Variants in CAMSAP1 observed in about 807,000 individuals in gnomAD.
CAMSAP1 encodes the protein calmodulin-regulated spectrin-associated protein 1.
In CAMSAP1, 58 loss-of-function variants were observed where a neutral mutation model predicts 143.5. The ratio of observed to expected loss-of-function variants is 0.40; its 90% CI spans 0.33 to 0.50. The LOEUF is 0.50. Ranked by LOEUF, CAMSAP1 falls within the 20% of genes least tolerant of loss-of-function variation. The pLI is 0.45. For synonymous variants in CAMSAP1, 945 were observed against 859.3 expected, an observed-to-expected ratio of 1.10 and a Z score of -1.74; for missense variants, 1,969 against 2,115.7, an observed-to-expected ratio of 0.93 and a Z score of 1.36.
At position 135,882,352 on chromosome 9, in the gene CAMSAP1, G is replaced by T. The variant is rs1004046583; in HGVS notation, c.423+464C>A. Among the ~76,000 whole-genome samples the T allele has an allele frequency of 6.6e-6, 1 of 152,138 alleles. No homozygotes were observed. Among genetic ancestry groups the T allele is most frequent in the East Asian group, 1.9e-4 (1 of 5,192 alleles). ...AAACAAAGGCAGTGCAGGAGGCACC[G>T]AGAATGGCCCTGACCCAGAACGCTC... On this transcript the variant is annotated intron_variant, in intron 2 of 16. Transcript: ENST00000389532. This position sits in a 1 kb window ranked among gnomAD's most constrained non-coding sequence, Gnocchi z 4.9.
chr9:135,887,898 G>A (rs984036005), intron 1 of CAMSAP1, among the ~76,000 whole-genome samples: 1 of 152,236 alleles, frequency 6.6e-6, no homozygotes, highest in African/African-American at 2.4e-5. Flanking sequence ...CATGAGCAAC[G>A]CATTCGCAGT....
At chr9:135,901,736 G>T (rs1238512308) in intron 1 of CAMSAP1, among the ~76,000 whole-genome samples, 1 of 152,004 alleles carries the variant, frequency 6.6e-6, no homozygotes, top group East Asian at 1.9e-4. Context: ...ATCTTCCCAG[G>T]CTCGCTCTCT....
At chr9:135,890,484 A>C (rs1838258033) in intron 1 of CAMSAP1, among the ~76,000 whole-genome samples, 1 of 152,122 alleles carries the variant, frequency 6.6e-6, no homozygotes, top group South Asian at 2.1e-4. Context: ...GGTGGTAAAG[A>C]CGGCAGGCTG....
Position 135,823,239 on chromosome 9 carries a change from A to C in CAMSAP1, c.1422T>G (p.Pro474=), listed in dbSNP as rs1015186677. ...AACTCGCAGCGTGATGTAGAGCAAA[A>C]GGTGTTGGCTGGGACGCAGGCCTGA... ...KKTRPASQPT[P]FALHHAASCE... The change falls in exon 11 of 17, where the codon CCT becomes CCG. Residue 474 remains proline (P), a synonymous_variant. Transcript: ENST00000389532. 5 of 1,557,576 alleles carry C rather than the reference A, an allele frequency of 3.2e-6. No homozygotes were observed. Among genetic ancestry groups the C allele is most frequent in the African/African-American group, 1.4e-5 (1 of 73,686 alleles).
chr9:135,817,769 G>A, intron 14 of CAMSAP1: 2 of 555,158 alleles, frequency 3.6e-6, no homozygotes, highest in Admixed American at 3.1e-5. Context: ...GGGTGATAAG[G>A]TGAAGGCTGC....
intron 1 of CAMSAP1, among the ~76,000 whole-genome samples, chr9:135,884,329 GC>G (rs1428836252): frequency 6.6e-6 from 1 of 152,104 alleles, no homozygotes; most frequent in African/African-American, 2.4e-5. Flanking sequence ...GGAAGAACCA[GC>G]TGTGGCGATG....
chr9:135,883,052 G>A lies in CAMSAP1; in HGVS notation c.187C>T (p.Pro63Ser). ...TGCTCATACTGGTCAACGTAGAAAG[G>A]GTCTCTGAGGTCCTCAGGGATGTTA... ...RDNIPEDLRD[P>S]FYVDQYEQEH... The change falls in exon 2 of 17, where the codon CCT becomes TCT. Residue 63 changes from proline to serine, a missense_variant. By Grantham distance (74) the Pro-to-Ser change is moderately conservative. Around this residue, in one of 4 missense-constraint regions of CAMSAP1, gnomAD observed 215 missense variants for 196.2 expected, o/e 1.10. Coordinates refer to ENST00000389532, the MANE Select transcript of CAMSAP1 (RefSeq NM_015447.4). 1 of 1,551,630 alleles carries A rather than the reference G, an allele frequency of 6.4e-7. No homozygotes were observed. The highest frequency in any genetic ancestry group is 8.7e-7 in the Non-Finnish European group (1 of 1,146,998).
At position 135,819,018 on chromosome 9, in the gene CAMSAP1, G is replaced by A. The variant is rs748688694; in HGVS notation, c.3951C>T (p.Asp1317=). 74 of 1,606,270 alleles carry A rather than the reference G, an allele frequency of 4.6e-5. No homozygotes were observed. Among genetic ancestry groups the A allele is most frequent in the Non-Finnish European group, 5.8e-5 (68 of 1,178,938 alleles). ...QLEAEVELKR[D]EARRKAEEDR... ...CCCGGCGGGACGCTTACCGGGCTTC[G>A]TCACGCTTGAGCTCCACCTCCGCTT... Residue 1317 remains aspartate, a synonymous_variant, in exon 12 of 17, where the codon GAC becomes GAT. Coordinates refer to ENST00000389532, the MANE Select transcript of CAMSAP1 (RefSeq NM_015447.4).
intron 7 of CAMSAP1, chr9:135,836,913 C>T (rs1005037804): frequency 3.0e-6 from 3 of 984,210 alleles, no homozygotes; most frequent in Non-Finnish European, 3.6e-6. Flanking sequence ...TACAGACACA[C>T]GTCACCACAC....
At position 135,822,173 on chromosome 9, in the gene CAMSAP1, T is replaced by C. The variant is rs1398772163; in HGVS notation, c.2488A>G (p.Thr830Ala). 2.5e-6 allele frequency: 4 copies of C among 1,613,816 alleles called. No individual in the cohort carries two copies. The East Asian group carries it at 8.9e-5, about 36-fold the overall frequency. The change falls in exon 11 of 17, where the codon ACC (threonine) becomes GCC (alanine). Residue 830 changes from threonine (T) to alanine (A), a missense_variant. Thr to Ala is a moderately conservative substitution (Grantham distance 58). Transcript: ENST00000389532. The surrounding 1 kb of genome is among the most constrained non-coding windows in gnomAD (Gnocchi z 6.1). Reference protein sequence around the residue: ...RKLQRLNSCETKSSTSSSQKT... With the variant: ...RKLQRLNSCEAKSSTSSSQKT... The stretch of plus-strand genomic sequence containing the variant: ...TGGGAGCTGCTGGTGCTGGACTTGG[T>C]CTCACAGCTGTTGAGTCTCTGGAGC...
intron 7 of CAMSAP1, among the ~76,000 whole-genome samples, chr9:135,838,464 T>C (rs1205770821): frequency 2.2e-4 from 29 of 131,486 alleles, no homozygotes; most frequent in African/African-American, 8.3e-4. Flanking sequence ...TTCCACCTGT[T>C]CTACAGACAC....
intron 16 of CAMSAP1, among the ~76,000 whole-genome samples, chr9:135,813,135 T>C (rs553936716): frequency 1.3e-5 from 2 of 152,328 alleles, no homozygotes; most frequent in South Asian, 2.1e-4. Context: ...GTTCTCCACA[T>C]GCGGCCCAGG....
intron 1 of CAMSAP1, among the ~76,000 whole-genome samples, chr9:135,889,207 C>T (rs1262422654): frequency 1.3e-5 from 2 of 152,172 alleles, no homozygotes; most frequent in African/African-American, 4.8e-5. Context: ...CTGTATGTAG[C>T]CCCCAGGAGC....
Position 135,822,221 on chromosome 9 carries a change from T to C in CAMSAP1, c.2440A>G (p.Met814Val), listed in dbSNP as rs2131662112. The C allele has an allele frequency of 1.2e-6, 2 of 1,613,996 alleles. No individual in the cohort carries two copies. The highest frequency in any genetic ancestry group is 2.2e-5 in the East Asian group (1 of 44,882). ...AGCTTCCTCTCCGCAAAGCTGGTCA[T>C]CTTCACGCTCCCACTCGCCATGGAG... is the stretch of plus-strand genomic sequence containing the variant. ...SVSMASGSVK[M>V]TSFAERKLQR... The change falls in exon 11 of 17, where the codon ATG (methionine) becomes GTG (valine). Residue 814 changes from methionine to valine, a missense_variant. Transcript: ENST00000389532. This position sits in a 1 kb window ranked among gnomAD's most constrained non-coding sequence, Gnocchi z 6.1.
intron 7 of CAMSAP1, among the ~76,000 whole-genome samples, chr9:135,829,255 A>AT (rs903154753): frequency 7.9e-5 from 12 of 151,956 alleles, no homozygotes; most frequent in South Asian, 4.1e-4. Flanking sequence ...TAATCCCAAC[A>AT]TTTTGGAAGG....
At chr9:135,853,334 T>C (rs1836842777) in intron 5 of CAMSAP1, among the ~76,000 whole-genome samples, 2 of 152,226 alleles carry the variant, frequency 1.3e-5, no homozygotes, top group East Asian at 1.9e-4. Flanking sequence ...TCCTGGGTAG[T>C]TGAGCGAGTC....
At chr9:135,857,371 C>G (rs1363570108) in intron 5 of CAMSAP1, among the ~76,000 whole-genome samples, 1 of 152,164 alleles carries the variant, frequency 6.6e-6, no homozygotes, top group Non-Finnish European at 1.5e-5. Flanking sequence ...CAGTGGCTCT[C>G]CCATCTTAGC....
At chr9:135,845,468 GC>G (rs1301092021) in intron 7 of CAMSAP1, among the ~76,000 whole-genome samples, 5 of 152,180 alleles carry the variant, frequency 3.3e-5, no homozygotes, top group African/African-American at 4.8e-5. Context: ...AGACAAGGAT[GC>G]CCTCTCTCAC....
At chr9:135,865,757 G>A (rs1048950703) in intron 4 of CAMSAP1, among the ~76,000 whole-genome samples, 6 of 152,166 alleles carry the variant, frequency 3.9e-5, no homozygotes, top group African/African-American at 1.4e-4. Flanking sequence ...AGGCATACCA[G>A]GCGGCCTGAC....
Sources: allele counts gnomAD v4.1 joint callset (sites outside exome capture counted in the v4.1 genomes callset), GRCh38; gene constraint gnomAD v4.1.1; regional missense constraint gnomAD v4.1.1; non-coding constraint Gnocchi (gnomAD v3.1); transcripts MANE v1.5; gene names NCBI Gene and HGNC (gene_info 2026-07-23, HGNC 2026-07-21).